The following RBFOX3 variants were observed in gnomAD, a reference collection of about 807,000 sequenced individuals.
The protein encoded by RBFOX3 is RNA binding protein fox-1 homolog 3.
RBFOX3 carries 17 observed loss-of-function variants against 48.7 expected under a neutral mutation model. That is an observed-to-expected ratio of 0.35 (90% CI 0.24 to 0.52). The LOEUF is 0.52. RBFOX3 is among the 20% of genes least tolerant of loss of function. RBFOX3 has a pLI of 0.94. For missense variants in RBFOX3, 382 were observed against 497.5 expected, an observed-to-expected ratio of 0.77 and a Z score of 2.21; for synonymous variants, 212 against 209.5, an observed-to-expected ratio of 1.01 and a Z score of -0.10.
chr17:79,112,493 A>AG (rs1288827776), intron 5 of RBFOX3, among the ~76,000 whole-genome samples: 1 of 152,128 alleles, frequency 6.6e-6, no homozygotes, highest in Non-Finnish European at 1.5e-5. Flanking sequence ...GCTGGGGCCC[A>AG]GGCTGTCTTT....
chr17:79,437,439 G>A (rs2069765645), intron 2 of RBFOX3, among the ~76,000 whole-genome samples: 1 of 152,234 alleles, frequency 6.6e-6, no homozygotes, highest in Non-Finnish European at 1.5e-5. Context: ...TCTGAGCTGA[G>A]CTGCCTGTCA....
chr17:79,143,156 G>C (rs2042249809), intron 4 of RBFOX3, among the ~76,000 whole-genome samples: 2 of 152,176 alleles, frequency 1.3e-5, no homozygotes, highest in South Asian at 4.1e-4. Flanking sequence ...ACAAGAAGGG[G>C]GGTCCCTGTG....
chr17:79,417,610 T>C (rs1555719811), intron 2 of RBFOX3, among the ~76,000 whole-genome samples: 1 of 152,190 alleles, frequency 6.6e-6, no homozygotes, highest in African/African-American at 2.4e-5. Context: ...GCAACCCTCA[T>C]GCATTGCTGG....
chr17:79,405,607 G>A (rs1042279010), intron 2 of RBFOX3, among the ~76,000 whole-genome samples: 1 of 152,152 alleles, frequency 6.6e-6, no homozygotes, highest in Non-Finnish European at 1.5e-5. Flanking sequence ...TGTAATCCTA[G>A]CTACTTGGGA....
At chr17:79,305,510 C>G (rs1298805075) in intron 3 of RBFOX3, among the ~76,000 whole-genome samples, 7 of 152,202 alleles carry the variant, frequency 4.6e-5, no homozygotes, top group Admixed American at 4.6e-4. Context: ...AGCCCTGCCC[C>G]CTTGTCCGCC....
In RBFOX3 at chr17:79,482,945, G is replaced by A. The variant is rs933207180; in HGVS notation, c.-319-347C>T. Among the ~76,000 whole-genome samples the A allele has an allele frequency of 7.3e-5, 11 of 150,098 alleles. No individual in the cohort carries two copies. Among genetic ancestry groups the A allele is most frequent in the South Asian group, 2.1e-4 (1 of 4,708 alleles). On this transcript the variant is annotated intron_variant, in intron 1 of 14. Transcript: ENST00000693108. This position sits in a 1 kb window ranked among gnomAD's most constrained non-coding sequence, Gnocchi z 4.1. Reference sequence around the variant, plus strand: ...CCCACCACGCTGGCCCCTCCCCATCGCCTTTCCCACTACCGCCCGCTCTTG... The same window carrying A: ...CCCACCACGCTGGCCCCTCCCCATCACCTTTCCCACTACCGCCCGCTCTTG...
the RBFOX3 span, among the ~76,000 whole-genome samples, chr17:79,631,770 C>A: frequency 6.6e-6 from 1 of 152,208 alleles, no homozygotes; most frequent in African/African-American, 2.4e-5. Flanking sequence ...CCCATCTTCA[C>A]GGGCCTAGCT....
chr17:79,257,185 G>A (rs777550090), intron 3 of RBFOX3, among the ~76,000 whole-genome samples: 1 of 152,108 alleles, frequency 6.6e-6, no homozygotes, highest in Non-Finnish European at 1.5e-5. Flanking sequence ...GACTGTCCTG[G>A]GGCCTCCGGG....
intron 2 of RBFOX3, among the ~76,000 whole-genome samples, chr17:79,463,788 C>T (rs577419584): frequency 1.2e-3 from 177 of 151,784 alleles, no homozygotes; most frequent in Non-Finnish European, 2.2e-3. Context: ...GCCACCTCCA[C>T]CACCATCTCC....
At chr17:79,652,986 A>T in the RBFOX3 span, among the ~76,000 whole-genome samples, 2 of 152,176 alleles carry the variant, frequency 1.3e-5, no homozygotes, top group African/African-American at 4.8e-5. Context: ...GCTGAATGTC[A>T]TCACCATTTT....
rs911911766 is a variant in RBFOX3, at chr17:79,199,531, C to T, written c.-34+36235G>A. ...CCTGAACCCAGTCACTGACTTAGGG[C>T]TGCCAGTGACCTCTGTGGTGGGAAC... is the stretch of plus-strand genomic sequence containing the variant. On this transcript the variant is annotated intron_variant, in intron 4 of 14. Transcript: ENST00000693108. The surrounding 1 kb of genome is among the most constrained non-coding windows in gnomAD (Gnocchi z 5.1). Among the ~76,000 whole-genome samples, 2 of 152,322 alleles carry T rather than the reference C, an allele frequency of 1.3e-5. No homozygotes were observed. The highest frequency in any genetic ancestry group is 2.1e-4 in the South Asian group (1 of 4,828).
At chr17:79,142,452 C>T (rs1311644595) in intron 4 of RBFOX3, among the ~76,000 whole-genome samples, 1 of 152,166 alleles carries the variant, frequency 6.6e-6, no homozygotes, top group East Asian at 1.9e-4. Flanking sequence ...AATTTCCATC[C>T]TAAGCCGCCC....
chr17:79,191,462 C>T (rs935761758), intron 4 of RBFOX3, among the ~76,000 whole-genome samples: 2 of 152,198 alleles, frequency 1.3e-5, no homozygotes, highest in Non-Finnish European at 2.9e-5. Context: ...CCCCTGCATG[C>T]CCCCTAAAGC....
chr17:79,314,413 C>T (rs4789885), intron 2 of RBFOX3, among the ~76,000 whole-genome samples: 49,068 of 151,834 alleles, frequency 0.32, 8,341 homozygotes, highest in South Asian at 0.44. Context: ...AGACTGAGAT[C>T]GCATACGGAG....
chr17:79,137,522 A>G (rs2040511844), intron 4 of RBFOX3, among the ~76,000 whole-genome samples: 1 of 152,140 alleles, frequency 6.6e-6, no homozygotes, highest in Non-Finnish European at 1.5e-5. Flanking sequence ...GCACCTGCAC[A>G]CCTACACACA....
intron 4 of RBFOX3, among the ~76,000 whole-genome samples, chr17:79,151,205 C>T (rs530696393): frequency 6.6e-6 from 1 of 152,046 alleles, no homozygotes; most frequent in African/African-American, 2.4e-5. Flanking sequence ...TGACCACCCC[C>T]TGCCCTGGGA....
At chr17:79,475,714 C>T (rs894519964) in intron 2 of RBFOX3, among the ~76,000 whole-genome samples, 20 of 152,252 alleles carry the variant, frequency 1.3e-4, no homozygotes, top group African/African-American at 2.9e-4. Context: ...ACAGGAAGGT[C>T]GTGCGCGACA....
At chr17:79,626,823 G>A in the RBFOX3 span, among the ~76,000 whole-genome samples, 10 of 152,262 alleles carry the variant, frequency 6.6e-5, no homozygotes, top group African/African-American at 1.7e-4. Flanking sequence ...TCGAGCCTCC[G>A]GTGACCTCCC....
At chr17:79,211,666 C>G (rs1333119809) in intron 4 of RBFOX3, among the ~76,000 whole-genome samples, 1 of 152,156 alleles carries the variant, frequency 6.6e-6, no homozygotes, top group Non-Finnish European at 1.5e-5. Context: ...TGCAGATACC[C>G]CAAGGTCAGA....
Sources: gnomAD v4.1 joint callset for allele counts (sites outside exome capture counted in the v4.1 genomes callset) on GRCh38, gnomAD v4.1.1 for gene constraint, Gnocchi (gnomAD v3.1) non-coding constraint, MANE v1.5 for transcripts, NCBI Gene and HGNC (gene_info 2026-07-23, HGNC 2026-07-21) for gene names.